The following BLOC1S3 variants were observed in gnomAD, a reference collection of about 807,000 sequenced individuals.
BLOC1S3 encodes biogenesis of lysosome-related organelles complex 1 subunit 3.
BLOC1S3 carries 7 observed loss-of-function variants against 9.1 expected under a neutral mutation model. The ratio of observed to expected loss-of-function variants is 0.77; its 90% CI spans 0.44 to 1.45. The LOEUF is 1.45. Ranked by LOEUF, BLOC1S3 falls within the 40% of genes most tolerant of loss-of-function variation. BLOC1S3 has a pLI of 0.01. For synonymous variants in BLOC1S3, 145 were observed against 158.4 expected (o/e 0.92, Z 0.64); for missense variants, 307 against 315.2 (o/e 0.97, Z 0.20).
At chr19:45,211,303 C>A (rs189180788) in intron 3 of BLOC1S3, among the ~76,000 whole-genome samples, 125 of 151,986 alleles carry the variant, frequency 8.2e-4, no homozygotes, top group Middle Eastern at 3.4e-3. Context: ...TGGAGACCAG[C>A]CTGGCCAACA....
chr19:45,200,934 G>T (rs1054355314), intron 2 of BLOC1S3, among the ~76,000 whole-genome samples: 1 of 152,158 alleles, frequency 6.6e-6, no homozygotes, highest in Admixed American at 6.6e-5. Flanking sequence ...AGGCGCAGTG[G>T]CTCACGCCTG....
chr19:45,197,455 C>T (rs1165905456), intron 2 of BLOC1S3, among the ~76,000 whole-genome samples: 5 of 151,612 alleles, frequency 3.3e-5, no homozygotes, highest in African/African-American at 1.2e-4. Flanking sequence ...CCACTGCACT[C>T]CAGCCTGGGC....
chr19:45,205,938 A>G (rs1353199954), intron 3 of BLOC1S3, among the ~76,000 whole-genome samples: 1 of 152,204 alleles, frequency 6.6e-6, no homozygotes, highest in Non-Finnish European at 1.5e-5. Context: ...GAAAACCACA[A>G]GGTCACTCTC....
intron 2 of BLOC1S3, among the ~76,000 whole-genome samples, chr19:45,199,470 T>C (rs1235630713): frequency 6.6e-6 from 1 of 150,912 alleles, no homozygotes; most frequent in Non-Finnish European, 1.5e-5. Context: ...TGCCTGCCAC[T>C]ACACCTGGCT....
In BLOC1S3 at chr19:45,180,235, A is replaced by ATTTTTTT. The variant is rs34965337; in HGVS notation, c.*348_*354dup. The ATTTTTTT allele has an allele frequency of 7.7e-5, 7 of 90,518 alleles. No individual in the cohort carries two copies. In the South Asian group the frequency reaches 1.3e-3, roughly 16 times the overall value. 5.6% of individuals were successfully genotyped at this position (90,518 alleles called of 1,614,324 possible). A position where few individuals can be genotyped will look rare whatever the true frequency, so the allele number is the denominator to read the frequency against. On this transcript the variant is annotated 3_prime_UTR_variant, in exon 2 of 2. Transcript: ENST00000433642. ...CTGTTTCCACCCTGGGGGCTCACCA[A>ATTTTTTT]TTTTTTTTTTTTTTTTTTTTTTTTG...
At position 45,180,073 on chromosome 19, in the gene BLOC1S3, A is replaced by G. The variant is rs1007254633; in HGVS notation, c.*168A>G. 8.3e-5 allele frequency: 59 copies of G among 712,496 alleles called. No individual in the cohort carries two copies. The highest frequency in any genetic ancestry group is 6.0e-4 in the South Asian group (29 of 48,630). The allele number at this position is 712,496 out of a possible 1,614,324, so 44.1% of individuals were successfully genotyped here. On this transcript the variant is annotated 3_prime_UTR_variant, in exon 2 of 2. Transcript: ENST00000433642. ...TTGGATAATGCTTTATATTGGATAT[A>G]GTTCAACCCCTACTGCGGAGACCAG... is the stretch of plus-strand genomic sequence containing the variant.
At chr19:45,213,687 G>A (rs1357779794) in intron 3 of BLOC1S3, among the ~76,000 whole-genome samples, 2 of 151,998 alleles carry the variant, frequency 1.3e-5, no homozygotes, top group Non-Finnish European at 2.9e-5. Context: ...GCTCATGCCT[G>A]TAATCCCAGC....
At chr19:45,198,236 T>G (rs1225983503) in intron 2 of BLOC1S3, among the ~76,000 whole-genome samples, 1 of 152,174 alleles carries the variant, frequency 6.6e-6, no homozygotes, top group Non-Finnish European at 1.5e-5. Context: ...TTTCATGCAA[T>G]TTTCTCCTTT....
At chr19:45,187,027 A>G (rs534928281), upstream of BLOC1S3, among the ~76,000 whole-genome samples, 42 of 152,318 alleles carry the variant, frequency 2.8e-4, no homozygotes, top group African/African-American at 1.0e-3. Context: ...CTGCAGCTCC[A>G]CTGGAGAGGT....
chr19:45,191,995 G>C (rs1169907673), intron 2 of BLOC1S3, among the ~76,000 whole-genome samples: 1 of 152,232 alleles, frequency 6.6e-6, no homozygotes, highest in African/African-American at 2.4e-5. Context: ...AGCCAGGCTT[G>C]TGTTCATCCT....
downstream of BLOC1S3, among the ~76,000 whole-genome samples, chr19:45,183,497 CG>C (rs1969542328): frequency 6.6e-6 from 1 of 151,196 alleles, no homozygotes; most frequent in East Asian, 1.9e-4. Flanking sequence ...AAAGTAGGTG[CG>C]GATCAACCAG....
At chr19:45,184,505 C>T (rs1969550864), downstream of BLOC1S3, among the ~76,000 whole-genome samples, 1 of 152,162 alleles carries the variant, frequency 6.6e-6, no homozygotes, top group Non-Finnish European at 1.5e-5. Context: ...ACTCGTGAGG[C>T]TGAGATGGAA....
In BLOC1S3 at chr19:45,179,607, C is replaced by G. The variant is rs886054490; in HGVS notation, c.311C>G (p.Pro104Arg). 10 of 1,473,574 alleles carry G rather than the reference C, an allele frequency of 6.8e-6. No individual in the cohort carries two copies. The highest frequency in any genetic ancestry group is 1.5e-5 in the African/African-American group (1 of 68,024). The allele number at this position is 1,473,574 out of a possible 1,614,324, so 91.3% of individuals were successfully genotyped here. A position where few individuals can be genotyped will look rare whatever the true frequency, so the allele number is the denominator to read the frequency against. ...ACGGAGGAGGCCCCGGCGCCCGCCC[C>G]CGCGCGCTCGCTCCTGCAACTTCGG... The part of the protein sequence containing the change: ...WGTEEAPAPA[P>R]ARSLLQLRLA... Residue 104 changes from proline (P) to arginine (R), a missense_variant, in exon 2 of 2, where the codon CCC becomes CGC. Physicochemically the swap from Pro to Arg is moderately radical, Grantham distance 103. Coordinates refer to ENST00000433642, the MANE Select transcript of BLOC1S3 (RefSeq NM_212550.5). The surrounding 1 kb of genome is among the most constrained non-coding windows in gnomAD (Gnocchi z 4.6).
rs1969521262 is a variant in BLOC1S3 at position 45,181,508 on chromosome 19, A to G, written c.*1603A>G. 6.0e-6 allele frequency: 1 copy of G among 167,242 alleles called. No homozygotes were observed. The allele number at this position is 167,242 out of a possible 1,614,324, so 10.4% of individuals were successfully genotyped here. ...AGCGCCAGATGACAGCACTTTGCAG[A>G]TAAGAACGATATGATGTGTGGATTT... is the stretch of plus-strand genomic sequence containing the variant. On this transcript the variant is annotated 3_prime_UTR_variant, in exon 2 of 2. Coordinates refer to ENST00000433642, the MANE Select transcript of BLOC1S3 (RefSeq NM_212550.5).
At chr19:45,213,761 AT>A (rs1298981013) in intron 3 of BLOC1S3, among the ~76,000 whole-genome samples, 1 of 151,784 alleles carries the variant, frequency 6.6e-6, no homozygotes, top group East Asian at 1.9e-4. Flanking sequence ...CCTGGCCAAC[AT>A]GGCGAAACCC....
chr19:45,213,068 C>T (rs749472952), intron 3 of BLOC1S3: 2 of 1,485,216 alleles, frequency 1.3e-6, no homozygotes, highest in Admixed American at 5.3e-5. Context: ...TTGGGTGACC[C>T]TCAGCGCTGG....
chr19:45,206,531 C>T (rs570468368), intron 3 of BLOC1S3, among the ~76,000 whole-genome samples: 1 of 127,664 alleles, frequency 7.8e-6, no homozygotes, highest in Non-Finnish European at 1.6e-5. Context: ...TCATGGCTCA[C>T]TTCTGCCTCG....
rs553627828 is a variant in BLOC1S3 at position 45,211,066 on chromosome 19, G to A, written n.283-5610G>A. ...GTAGAGGCTGCAGTGAGCTATGATC[G>A]TGTCATTGCACTCCAGCCTGGGCAA... On this transcript the variant is annotated intron_variant and non_coding_transcript_variant, in intron 3 of 3. Transcript: ENST00000591569. Among the ~76,000 whole-genome samples, 14 of 152,296 alleles carry A rather than the reference G, an allele frequency of 9.2e-5. No homozygotes were observed. In the South Asian group the frequency reaches 2.9e-3, roughly 32 times the overall value.
chr19:45,214,446 G>A (rs1969812314), intron 3 of BLOC1S3, among the ~76,000 whole-genome samples: 1 of 149,816 alleles, frequency 6.7e-6, no homozygotes, highest in Non-Finnish European at 1.5e-5. Context: ...TGGTACACTA[G>A]TTTTTTTGTG....
Sources: gnomAD v4.1 joint callset for allele counts (sites outside exome capture counted in the v4.1 genomes callset) on GRCh38, gnomAD v4.1.1 for gene constraint, Gnocchi (gnomAD v3.1) non-coding constraint, MANE v1.5 for transcripts, NCBI Gene and HGNC (gene_info 2026-07-23, HGNC 2026-07-21) for gene names.